The following FBH1 variants were observed in gnomAD, a reference collection of about 807,000 sequenced individuals.
FBH1 encodes the protein DNA 3'-5' helicase 1.
FBH1 carries 43 observed loss-of-function variants against 115.5 expected under a neutral mutation model. The ratio of observed to expected loss-of-function variants is 0.37; its 90% CI spans 0.29 to 0.48. The LOEUF (loss-of-function observed/expected upper bound fraction) is 0.48. Among genes scored for constraint, FBH1 ranks in the 20% least tolerant of loss-of-function variants. FBH1 has a pLI of 0.99. For missense variants in FBH1, 1,001 were observed against 1,337.3 expected, an observed-to-expected ratio of 0.75 and a Z score of 3.92; for synonymous variants, 524 against 507.8, an observed-to-expected ratio of 1.03 and a Z score of -0.43.
At position 5,933,840 on chromosome 10, in the gene FBH1, C is replaced by T. The variant is rs890445792; in HGVS notation, c.2830-2616C>T. On this transcript the variant is annotated intron_variant, in intron 19 of 20. Coordinates refer to ENST00000362091, the MANE Select transcript of FBH1 (RefSeq NM_178150.3). This position sits in a 1 kb window ranked among gnomAD's most constrained non-coding sequence, Gnocchi z 4.9. ...TTTGGTATTTTTTTTTTGTTAAAGA[C>T]GAGGTTTCACCATGTTGGCCAGGCT... 6.6e-6 allele frequency among the ~76,000 whole-genome samples: 1 copy of T among 151,762 alleles called. No individual in the cohort carries two copies. The highest frequency in any genetic ancestry group is 1.5e-5 in the Non-Finnish European group (1 of 67,952).
intron 19 of FBH1, chr10:5,934,364 G>GTTTTTTTTTTTTTTTTTTTTTTT (rs60109796): frequency 7.1e-6 from 1 of 141,090 alleles, no homozygotes. Flanking sequence ...TCAAAGACAG[G>GTTTTTTTTTTTTTTTTTTTTTTT]TTTTTTTTTT....
chr10:5,897,955 C>T lies in FBH1; in HGVS notation c.2-5065C>T, dbSNP rs187852702. On this transcript the variant is annotated intron_variant, in intron 1 of 20. Transcript: ENST00000362091. The surrounding 1 kb of genome is among the most constrained non-coding windows in gnomAD (Gnocchi z 4.7). ...CAAAGCAGTTCCCTTTGGGACTGAA[C>T]ATTTTTGATGTTCTGTCATCAGTCT... Among the ~76,000 whole-genome samples the T allele has an allele frequency of 1.7e-4, 26 of 152,302 alleles. No homozygotes were observed.
rs753866866 is a variant in FBH1, at chr10:5,906,320, T to G, written c.441T>G (p.Ala147=). Reference sequence around the variant, plus strand: ...GGTGGGATGGAGTTTCTAAGAAAGCTCCACGGCACCATTTGTCTGTGCCAT... The same window carrying G: ...GGTGGGATGGAGTTTCTAAGAAAGCGCCACGGCACCATTTGTCTGTGCCAT... ...TSRWDGVSKK[A]PRHHLSVPCT... The change falls in exon 3 of 21, where the codon GCT becomes GCG. Residue 147 remains alanine (A), a synonymous_variant. Transcript: ENST00000362091. The surrounding 1 kb of genome is among the most constrained non-coding windows in gnomAD (Gnocchi z 7.3). The G allele has an allele frequency of 1.9e-6, 3 of 1,614,204 alleles. No individual in the cohort carries two copies. The highest frequency in any genetic ancestry group is 2.5e-6 in the Non-Finnish European group (3 of 1,180,024).
chr10:5,890,216 G>T, upstream of FBH1: 1 of 351,334 alleles, frequency 2.8e-6, no homozygotes, highest in African/African-American at 2.2e-5. Context: ...GCTCGCGGAG[G>T]AAGTCGGCGG....
intron 19 of FBH1, chr10:5,934,134 G>A (rs1833156805): frequency 1.3e-5 from 2 of 152,160 alleles, no homozygotes; most frequent in Non-Finnish European, 2.9e-5. Context: ...GGGGTGTTTT[G>A]GAGATAAAAA....
rs749238443 is a variant in FBH1 at position 5,913,327 on chromosome 10, C to T, written c.1212-420C>T. ...ATGTCATAAGAGGTAGACAGTGGAGCGACCGAGGCTCAGAAAGAGGCTGGT... is the reference window on the plus strand; with the variant it reads ...ATGTCATAAGAGGTAGACAGTGGAGTGACCGAGGCTCAGAAAGAGGCTGGT... On this transcript the variant is annotated intron_variant, in intron 6 of 20. Transcript: ENST00000362091. This position sits in a 1 kb window ranked among gnomAD's most constrained non-coding sequence, Gnocchi z 4.4. Among the ~76,000 whole-genome samples, 9 of 145,528 alleles carry T rather than the reference C, an allele frequency of 6.2e-5. No homozygotes were observed. The highest frequency in any genetic ancestry group is 2.1e-4 in the Admixed American group (3 of 14,194).
chr10:5,926,416 G>T (rs1199824515), intron 18 of FBH1, among the ~76,000 whole-genome samples: 1 of 152,200 alleles, frequency 6.6e-6, no homozygotes, highest in Non-Finnish European at 1.5e-5. Context: ...GCCTGGCCTT[G>T]TCTGCTTTGA....
In FBH1 at chr10:5,921,197, T is replaced by C. The variant is rs910409036; in HGVS notation, c.2101-61T>C. On this transcript the variant is annotated intron_variant, in intron 13 of 20. Coordinates refer to ENST00000362091, the MANE Select transcript of FBH1 (RefSeq NM_178150.3). The surrounding 1 kb of genome is among the most constrained non-coding windows in gnomAD (Gnocchi z 6.4). ...CCCGGCCAGGCTGTGGCAGCAGTGA[T>C]GGAAATGCACGGACACACCACAGGG... 3 of 1,524,636 alleles carry C rather than the reference T, an allele frequency of 2.0e-6. No individual in the cohort carries two copies. The highest frequency in any genetic ancestry group is 2.7e-6 in the Non-Finnish European group (3 of 1,103,760). 94.4% of individuals were successfully genotyped at this position (1,524,636 alleles called of 1,614,324 possible).
intron 1 of FBH1, chr10:5,891,125 G>T: frequency 1.0e-6 from 1 of 985,670 alleles, no homozygotes; most frequent in Non-Finnish European, 1.2e-6. Context: ...AGGTAATAAA[G>T]TCTTCTGGAA....
rs1283984768 is a variant in FBH1, at chr10:5,914,987, G to A, written c.1397-416G>A. 6.6e-6 allele frequency among the ~76,000 whole-genome samples: 1 copy of A among 152,172 alleles called. No homozygotes were observed. ...GAGAGCCTTGCCCGGGGTTGAATAA[G>A]TGGATAGGTGGTGGAGGTGGAATTC... is the stretch of plus-strand genomic sequence containing the variant. On this transcript the variant is annotated intron_variant, in intron 8 of 20. Transcript: ENST00000362091. The surrounding 1 kb of genome is among the most constrained non-coding windows in gnomAD (Gnocchi z 5.2).
At chr10:5,903,994 C>G (rs1843537890) in intron 2 of FBH1, among the ~76,000 whole-genome samples, 1 of 152,160 alleles carries the variant, frequency 6.6e-6, no homozygotes, top group Non-Finnish European at 1.5e-5. Flanking sequence ...GTTAATAAAT[C>G]TAGATTGCCT....
At position 5,897,283 on chromosome 10, in the gene FBH1, A is replaced by G. The variant is rs1004432204; in HGVS notation, c.2-5737A>G. Reference sequence around the variant, plus strand: ...TTCATAAGCAAGGCTTTGGCGATGAATATACCTGCCAAGTGTGGGTCTTCT... The same window carrying G: ...TTCATAAGCAAGGCTTTGGCGATGAGTATACCTGCCAAGTGTGGGTCTTCT... On this transcript the variant is annotated intron_variant, in intron 1 of 20. Transcript: ENST00000362091. The surrounding 1 kb of genome is among the most constrained non-coding windows in gnomAD (Gnocchi z 4.7). 2.6e-5 allele frequency among the ~76,000 whole-genome samples: 4 copies of G among 152,184 alleles called. No homozygotes were observed. Among genetic ancestry groups the G allele is most frequent in the Admixed American group, 6.5e-5 (1 of 15,284 alleles).
Position 5,918,577 on chromosome 10 carries a change from CA to C in FBH1, c.2100+102del. The C allele has an allele frequency of 7.2e-7, 1 of 1,380,888 alleles. No homozygotes were observed. The highest frequency in any genetic ancestry group is 9.5e-7 in the Non-Finnish European group (1 of 1,050,066). 85.5% of individuals were successfully genotyped at this position (1,380,888 alleles called of 1,614,324 possible). ...GGTATGCCAGGCTCACCAGATCTAG[CA>C]AATCCTTGCTTCTAAGCCATGGTTC... is the stretch of plus-strand genomic sequence containing the variant. On this transcript the variant is annotated intron_variant, in intron 13 of 20. Transcript: ENST00000362091. This position sits in a 1 kb window ranked among gnomAD's most constrained non-coding sequence, Gnocchi z 4.0.
At chr10:5,927,971 C>T (rs529524379) in intron 19 of FBH1, among the ~76,000 whole-genome samples, 4 of 148,316 alleles carry the variant, frequency 2.7e-5, no homozygotes, top group Admixed American at 1.4e-4. Context: ...ACTCGGGAGG[C>T]TGAGGCAGGA....
rs909855370 is a variant in FBH1, at chr10:5,915,973, A to G, written c.1566-261A>G. ...GGGAACTCCAAGGGTCCCTCCGGGGACCTTCTGGAGCCCAGCTTCATGGTG... is the reference window on the plus strand; with the variant it reads ...GGGAACTCCAAGGGTCCCTCCGGGGGCCTTCTGGAGCCCAGCTTCATGGTG... On this transcript the variant is annotated intron_variant, in intron 9 of 20. Coordinates refer to ENST00000362091, the MANE Select transcript of FBH1 (RefSeq NM_178150.3). This position sits in a 1 kb window ranked among gnomAD's most constrained non-coding sequence, Gnocchi z 5.2. 11 of 517,306 alleles carry G rather than the reference A, an allele frequency of 2.1e-5. No homozygotes were observed. Among genetic ancestry groups the G allele is most frequent in the Admixed American group, 1.7e-4 (5 of 29,472 alleles). 32.0% of individuals were successfully genotyped at this position (517,306 alleles called of 1,614,324 possible). A position where few individuals can be genotyped will look rare whatever the true frequency, so the allele number is the denominator to read the frequency against.
At chr10:5,890,644 C>T (rs1236156096) in intron 1 of FBH1, among the ~76,000 whole-genome samples, 1 of 151,472 alleles carries the variant, frequency 6.6e-6, no homozygotes, top group Non-Finnish European at 1.5e-5. Context: ...GTCCTCGGGG[C>T]TGAAGGGGCA....
chr10:5,929,886 G>T (rs1173659288), intron 19 of FBH1: 1 of 152,040 alleles, frequency 6.6e-6, no homozygotes. Flanking sequence ...ATAAACTTTG[G>T]TTTATAAGTA....
chr10:5,919,868 C>T (rs894598015), intron 13 of FBH1, among the ~76,000 whole-genome samples: 5 of 152,196 alleles, frequency 3.3e-5, no homozygotes, highest in Middle Eastern at 3.4e-3. Context: ...ACAGAAAAAT[C>T]GAGAGGAGAG....
At position 5,894,276 on chromosome 10, in the gene FBH1, T is replaced by C. The variant is rs1842890565; in HGVS notation, c.1+3930T>C. ...TTCGGGTCTACAGCATTTAGTGGTA[T>C]TTTCCTTATAGTTATGTTTTCCAAA... On this transcript the variant is annotated intron_variant, in intron 1 of 20. Transcript: ENST00000362091. 13 of 1,436,930 alleles carry C rather than the reference T, an allele frequency of 9.0e-6. No homozygotes were observed. In the East Asian group the frequency reaches 3.2e-4, roughly 35 times the overall value. The allele number at this position is 1,436,930 out of a possible 1,614,324, so 89.0% of individuals were successfully genotyped here. A position where few individuals can be genotyped will look rare whatever the true frequency, so the allele number is the denominator to read the frequency against.
Sources: allele counts gnomAD v4.1 joint callset (sites outside exome capture counted in the v4.1 genomes callset), GRCh38; gene constraint gnomAD v4.1.1; non-coding constraint Gnocchi (gnomAD v3.1); transcripts MANE v1.5; gene names NCBI Gene and HGNC (gene_info 2026-07-23, HGNC 2026-07-21).